POP5: variants seen among roughly 807,000 people sequenced by gnomAD.
The protein encoded by POP5 is POP5 ribonuclease P/MRP subunit.
Under a neutral mutation model 20.7 loss-of-function variants are expected in POP5, and 18 were observed. That is an observed-to-expected ratio of 0.87 (90% CI 0.60 to 1.29). The LOEUF is 1.29. POP5 is among the 50% of genes most tolerant of loss of function. The pLI is 0.00. For missense variants in POP5, 200 were observed against 203.2 expected, an observed-to-expected ratio of 0.98 and a Z score of 0.10; for synonymous variants, 91 against 78.0, an observed-to-expected ratio of 1.17 and a Z score of -0.88.
At chr12:120,579,460 TC>T in intron 4 of POP5, 48 bp from the exon 5 acceptor site, 3 of 1,608,292 alleles carry the variant, frequency 1.9e-6, no homozygotes, top group Non-Finnish European at 2.6e-6. Context: ...GGGAGTGATT[TC>T]TTCAGCTTAA....
At position 120,579,901 on chromosome 12, in the gene POP5, A is replaced by T; in HGVS notation, c.186T>A (p.Thr62=). 2.5e-6 allele frequency: 4 copies of T among 1,613,734 alleles called. No individual in the cohort carries two copies. The highest frequency in any genetic ancestry group is 3.4e-6 in the Non-Finnish European group (4 of 1,179,688). The change falls in exon 3 of 5, where the codon ACT becomes ACA. Residue 62 remains threonine (T), a synonymous_variant. Coordinates refer to ENST00000357500, the MANE Select transcript of POP5 (RefSeq NM_015918.4). ...TTCTGCATCGAAGTAGCACTATTCC[A>T]GTATAGGCATTGAGATATCGAACTA... The part of the protein sequence containing the change: ...GFAVRYLNAY[T]GIVLLRCRKE...
rs190376517 is a variant in POP5 at position 120,579,266 on chromosome 12, C to A, written c.*52G>T. The stretch of plus-strand genomic sequence containing the variant: ...TTGCTACCCAGATTGTTCTGTTCAA[C>A]AAGTGGGCCTGAAGCCTGAGCAGTG... On this transcript the variant is annotated 3_prime_UTR_variant, in exon 5 of 5. Coordinates refer to ENST00000357500, the MANE Select transcript of POP5 (RefSeq NM_015918.4). 2.1e-4 allele frequency: 322 copies of A among 1,500,086 alleles called. 4 individuals carry two copies. In the South Asian group the frequency reaches 2.5e-3, roughly 11 times the overall value. The allele number at this position is 1,500,086 out of a possible 1,614,324, so 92.9% of individuals were successfully genotyped here.
chr12:120,581,222 C>A lies in POP5; in HGVS notation c.56G>T (p.Arg19Leu), dbSNP rs748538194. ...LLCELVSDDP[R>L]CRLSLDDRVL... ...TCGGTCATCGAGGCTTAGGCGGCAG[C>A]GGGGGTCGTCAGACACCAGTTCGCA... Residue 19 changes from arginine (R) to leucine (L), a missense_variant, in exon 2 of 5, where the codon CGC (arginine) becomes CTC (leucine). Physicochemically the swap from Arg to Leu is moderately radical, Grantham distance 102. Coordinates refer to ENST00000357500, the MANE Select transcript of POP5 (RefSeq NM_015918.4). 3.1e-6 allele frequency: 5 copies of A among 1,614,054 alleles called. No individual in the cohort carries two copies. Among genetic ancestry groups the A allele is most frequent in the Non-Finnish European group, 4.2e-6 (5 of 1,180,052 alleles).
At chr12:120,580,936 C>G in intron 2 of POP5, 179 bp downstream of exon 2, 1 of 1,003,964 alleles carries the variant, frequency 1.0e-6, no homozygotes, top group Non-Finnish European at 1.4e-6. Flanking sequence ...CGGGCCCCTC[C>G]TTTTAGCGCT....
Position 120,579,773 on chromosome 12 carries a change from C to T in POP5, c.313+1G>A. ...CAGTAGCCATACCACCTCACTCCTA[C>T]CTCCCACATGTAATGTGTTGAAAAA... On this transcript the variant is annotated splice_donor_variant, in intron 3 of 4. Transcript: ENST00000357500. LOFTEE classifies it high-confidence loss of function. The T allele has an allele frequency of 6.2e-7, 1 of 1,604,738 alleles. No homozygotes were observed. The highest frequency in any genetic ancestry group is 1.3e-5 in the African/African-American group (1 of 74,812).
In POP5 at chr12:120,581,101, C is replaced by A. The variant is rs1203520887; in HGVS notation, c.163+14G>T. 6.2e-7 allele frequency: 1 copy of A among 1,607,646 alleles called. No homozygotes were observed. The highest frequency in any genetic ancestry group is 1.1e-5 in the South Asian group (1 of 90,976). ...ATCCTCCCGGGTTCCCCTCTTCCCC[C>A]AGCGCCCTTGCACCCGCGAAGCCGA... On this transcript the variant is annotated intron_variant, in intron 2 of 4. Transcript: ENST00000357500.
Position 120,579,115 on chromosome 12 carries a change from A to C in POP5, c.*203T>G. 1.7e-6 allele frequency: 1 copy of C among 603,716 alleles called. No homozygotes were observed. The highest frequency in any genetic ancestry group is 3.0e-6 in the Non-Finnish European group (1 of 338,152). The allele number at this position is 603,716 out of a possible 1,614,324, so 37.4% of individuals were successfully genotyped here. Reference sequence around the variant, plus strand: ...CAATAAAGATGTCTACAGAGTTCACAACCTGCAACACTTCACCAGGGAATG... The same window carrying C: ...CAATAAAGATGTCTACAGAGTTCACCACCTGCAACACTTCACCAGGGAATG... On this transcript the variant is annotated 3_prime_UTR_variant, in exon 5 of 5. Transcript: ENST00000357500.
rs768183094 is a variant in POP5, at chr12:120,579,605, A to G, written c.314-8T>C. 5.6e-6 allele frequency: 9 copies of G among 1,609,566 alleles called. No homozygotes were observed. Among genetic ancestry groups the G allele is most frequent in the Non-Finnish European group, 6.8e-6 (8 of 1,175,982 alleles). On this transcript the variant is annotated splice_polypyrimidine_tract_variant and splice_region_variant and intron_variant, in intron 3 of 4. Transcript: ENST00000357500. ...GACATGTTCTTATTGTACCTGGCAT[A>G]TGAGTTACTGTGGTCAACAGCTTGT...
At position 120,581,110 on chromosome 12, in the gene POP5, T is replaced by TG; in HGVS notation, c.163+4dup. The stretch of plus-strand genomic sequence containing the variant: ...GGTTCCCCTCTTCCCCCAGCGCCCT[T>TG]GCACCCGCGAAGCCGATGGAGCAGG... On this transcript the variant is annotated splice_donor_region_variant and intron_variant, in intron 2 of 4. Coordinates refer to ENST00000357500, the MANE Select transcript of POP5 (RefSeq NM_015918.4). The TG allele has an allele frequency of 1.2e-6, 2 of 1,609,518 alleles. No homozygotes were observed. Among genetic ancestry groups the TG allele is most frequent in the Non-Finnish European group, 1.7e-6 (2 of 1,179,796 alleles).
At chr12:120,581,008 G>A in intron 2 of POP5, 107 bp downstream of exon 2, 1 of 1,471,728 alleles carries the variant, frequency 6.8e-7, no homozygotes, top group African/African-American at 1.4e-5. Context: ...TACAAAAAAC[G>A]GTGCACGGGC....
Position 120,581,221 on chromosome 12 carries a change from G to A in POP5, c.57C>T (p.Arg19=), listed in dbSNP as rs1284324913. The stretch of plus-strand genomic sequence containing the variant: ...CTCGGTCATCGAGGCTTAGGCGGCA[G>A]CGGGGGTCGTCAGACACCAGTTCGC... ...LLCELVSDDP[R]CRLSLDDRVL... The change falls in exon 2 of 5, where the codon CGC becomes CGT. Residue 19 remains arginine (R), a synonymous_variant. Transcript: ENST00000357500. 1.9e-6 allele frequency: 3 copies of A among 1,614,192 alleles called. No individual in the cohort carries two copies. In the East Asian group the frequency reaches 6.7e-5, roughly 36 times the overall value.
rs1193471040 is a variant in POP5 at position 120,579,285 on chromosome 12, A to G, written c.*33T>C. 1.9e-6 allele frequency: 3 copies of G among 1,581,016 alleles called. No homozygotes were observed. Among genetic ancestry groups the G allele is most frequent in the Admixed American group, 3.3e-5 (2 of 59,988 alleles). ...GTTCAACAAGTGGGCCTGAAGCCTG[A>G]GCAGTGTAGCCAGCTGTGTGGGGAG... On this transcript the variant is annotated 3_prime_UTR_variant, in exon 5 of 5. Transcript: ENST00000357500.
chr12:120,581,324 T>G lies in POP5; in HGVS notation c.20+19A>C, dbSNP rs373318319. On this transcript the variant is annotated intron_variant, in intron 1 of 4. Transcript: ENST00000357500. Reference sequence around the variant, plus strand: ...AGGACCCAGCAAGGCACTGGGAGGGTCTGGAAGGGAATGCTTACCTGTGCT... The same window carrying G: ...AGGACCCAGCAAGGCACTGGGAGGGGCTGGAAGGGAATGCTTACCTGTGCT... The G allele has an allele frequency of 6.2e-7, 1 of 1,613,902 alleles. No homozygotes were observed. The highest frequency in any genetic ancestry group is 8.5e-7 in the Non-Finnish European group (1 of 1,179,950).
At position 120,579,850 on chromosome 12, in the gene POP5, T is replaced by A; in HGVS notation, c.237A>T (p.Ser79=). The A allele has an allele frequency of 6.2e-7, 1 of 1,608,092 alleles. No individual in the cohort carries two copies. The highest frequency in any genetic ancestry group is 8.5e-7 in the Non-Finnish European group (1 of 1,174,474). ...CRKEFYQLVW[S]ALPFITYLEN... Reference sequence around the variant, plus strand: ...CCAAGTATGTGATGAAGGGAAGAGCTGACCACACAAGCTGATAGAATTCTT... The same window carrying A: ...CCAAGTATGTGATGAAGGGAAGAGCAGACCACACAAGCTGATAGAATTCTT... Residue 79 remains serine (S), a synonymous_variant, in exon 3 of 5, where the codon TCA becomes TCT. Coordinates refer to ENST00000357500, the MANE Select transcript of POP5 (RefSeq NM_015918.4).
chr12:120,579,639 TC>T lies in POP5; in HGVS notation c.314-43del, dbSNP rs781525726. The T allele has an allele frequency of 6.4e-6, 10 of 1,574,524 alleles. No homozygotes were observed. The Admixed American group carries it at 6.7e-5, about 11-fold the overall frequency. On this transcript the variant is annotated intron_variant, in intron 3 of 4. Transcript: ENST00000357500. ...TGTGGTCAACAGCTTGTGAAAGATCTCGACCTTACAGACTTTCAGAGGTAGG... is the reference window on the plus strand; with the variant it reads ...TGTGGTCAACAGCTTGTGAAAGATCTGACCTTACAGACTTTCAGAGGTAGG...
intron 2 of POP5, chr12:120,580,809 G>T: frequency 2.3e-6 from 1 of 430,188 alleles, no homozygotes. Flanking sequence ...TTACTAGGAA[G>T]TATACACAGC....
At position 120,581,105 on chromosome 12, in the gene POP5, G is replaced by T; in HGVS notation, c.163+10C>A. 1 of 1,608,364 alleles carries T rather than the reference G, an allele frequency of 6.2e-7. No homozygotes were observed. ...TCCCGGGTTCCCCTCTTCCCCCAGC[G>T]CCCTTGCACCCGCGAAGCCGATGGA... On this transcript the variant is annotated intron_variant, in intron 2 of 4. Coordinates refer to ENST00000357500, the MANE Select transcript of POP5 (RefSeq NM_015918.4).
At position 120,579,073 on chromosome 12, in the gene POP5, A is replaced by C; in HGVS notation, c.*245T>G. 2 of 556,084 alleles carry C rather than the reference A, an allele frequency of 3.6e-6. 1 individual carries two copies. The highest frequency in any genetic ancestry group is 4.4e-5 in the South Asian group (2 of 45,800). 34.4% of individuals were successfully genotyped at this position (556,084 alleles called of 1,614,324 possible). A position where few individuals can be genotyped will look rare whatever the true frequency, so the allele number is the denominator to read the frequency against. ...CACGGAAACCAGATACATTTATTAAATCTACTCTTAGCCAAGCAATAAAGA... is the reference window on the plus strand; with the variant it reads ...CACGGAAACCAGATACATTTATTAACTCTACTCTTAGCCAAGCAATAAAGA... On this transcript the variant is annotated 3_prime_UTR_variant, in exon 5 of 5. Coordinates refer to ENST00000357500, the MANE Select transcript of POP5 (RefSeq NM_015918.4).
Position 120,579,961 on chromosome 12 carries a change from GCT to G in POP5, c.164-40_164-39del, listed in dbSNP as rs771067304. The stretch of plus-strand genomic sequence containing the variant: ...AGAAAAATCATTTTGGAAAACTTTT[GCT>G]CTGTGTGGTGGCTCACGCCTGTAAT... On this transcript the variant is annotated intron_variant, in intron 2 of 4. Coordinates refer to ENST00000357500, the MANE Select transcript of POP5 (RefSeq NM_015918.4). 3.6e-5 allele frequency: 58 copies of G among 1,594,052 alleles called. No homozygotes were observed. In the African/African-American group the frequency reaches 7.2e-4, roughly 20 times the overall value.
Sources: gnomAD v4.1 joint callset for allele counts on GRCh38, gnomAD v4.1.1 for gene constraint, MANE v1.5 for transcripts, NCBI Gene and HGNC (gene_info 2026-07-23, HGNC 2026-07-21) for gene names.